The following CXCL13 variants were observed in gnomAD, a reference collection of about 807,000 sequenced individuals.
The protein encoded by CXCL13 is C-X-C motif chemokine 13.
A neutral mutation model predicts 12.2 loss-of-function variants in CXCL13; 7 were observed. The observed-to-expected ratio is 0.57, with a 90% CI of 0.33 to 1.07. The LOEUF is 1.07. CXCL13 is among the 50% of genes least tolerant of loss of function. CXCL13 has a pLI of 0.04. For synonymous variants in CXCL13, 47 were observed against 42.4 expected (o/e 1.11, Z -0.42); for missense variants, 113 against 127.4 (o/e 0.89, Z 0.55).
intron 1 of CXCL13, among the ~76,000 whole-genome samples, chr4:77,577,878 C>T (rs1726232571): frequency 6.6e-6 from 1 of 152,178 alleles, no homozygotes; most frequent in South Asian, 2.1e-4. Context: ...TCGGATGCAT[C>T]CTGAACCCCT....
intron 1 of CXCL13, among the ~76,000 whole-genome samples, chr4:77,560,693 T>C (rs999100240): frequency 6.6e-6 from 1 of 152,214 alleles, no homozygotes; most frequent in Non-Finnish European, 1.5e-5. Context: ...AGTATCTTCA[T>C]ATATGTTTCT....
At chr4:77,568,642 G>C (rs1053833761) in intron 1 of CXCL13, among the ~76,000 whole-genome samples, 4 of 152,154 alleles carry the variant, frequency 2.6e-5, no homozygotes, top group African/African-American at 9.7e-5. Context: ...GGTGTTTGCT[G>C]TTGGCCACCC....
chr4:77,596,219 T>C (rs1578070984), intron 1 of CXCL13, among the ~76,000 whole-genome samples: 1 of 152,290 alleles, frequency 6.6e-6, no homozygotes, highest in South Asian at 2.1e-4. Context: ...TTAAGATGAT[T>C]TTCTAAGTAA....
Position 77,549,295 on chromosome 4 carries a change from C to G in CXCL13, c.-43+37507C>G, listed in dbSNP as rs891683770. ...AATGAGTTAGAATATGTTCCTTTAG[C>G]TCGGAGAAGTTTATTACCAATCTTC... On this transcript the variant is annotated intron_variant, in intron 1 of 4. Coordinates refer to the CXCL13 transcript ENST00000286758. Among the ~76,000 whole-genome samples, 4 of 152,206 alleles carry G rather than the reference C, an allele frequency of 2.6e-5. No homozygotes were observed. In the East Asian group the frequency reaches 7.7e-4, roughly 29 times the overall value.
At chr4:77,564,824 T>A (rs1725885992) in intron 1 of CXCL13, among the ~76,000 whole-genome samples, 1 of 152,036 alleles carries the variant, frequency 6.6e-6, no homozygotes, top group South Asian at 2.1e-4. Flanking sequence ...AGGACCCCAG[T>A]GGAGAAGTGA....
chr4:77,573,405 TG>T (rs1726138035), intron 1 of CXCL13, among the ~76,000 whole-genome samples: 2 of 147,748 alleles, frequency 1.4e-5, no homozygotes, highest in East Asian at 3.9e-4. Flanking sequence ...TGTGTGTGTG[TG>T]TGTGTATGTC....
chr4:77,542,119 T>G (rs1725218757), intron 1 of CXCL13, among the ~76,000 whole-genome samples: 1 of 152,144 alleles, frequency 6.6e-6, no homozygotes, highest in African/African-American at 2.4e-5. Context: ...AAGGAGTCTT[T>G]AGGATTTTCT....
intron 1 of CXCL13, among the ~76,000 whole-genome samples, chr4:77,542,860 A>T (rs1725239717): frequency 6.6e-6 from 1 of 152,140 alleles, no homozygotes; most frequent in African/African-American, 2.4e-5. Context: ...TTTTGGTATC[A>T]GGGTGATGCT....
chr4:77,550,326 T>G lies in CXCL13; in HGVS notation c.-43+38538T>G, dbSNP rs115359773. 7.2e-3 allele frequency among the ~76,000 whole-genome samples: 1,097 copies of G among 152,222 alleles called. 21 individuals are homozygous for G. Among genetic ancestry groups the G allele is most frequent in the East Asian group, 0.027 (141 of 5,160 alleles). ...TGAGATGATGCCCCACCCTGCTTCA[T>G]CTTACACTCAGTGGGCTGCTCCCAC... On this transcript the variant is annotated intron_variant, in intron 1 of 4. Transcript: ENST00000286758.
chr4:77,571,559 GA>G (rs1310962747), intron 1 of CXCL13, among the ~76,000 whole-genome samples: 7 of 151,786 alleles, frequency 4.6e-5, no homozygotes, highest in Non-Finnish European at 1.0e-4. Flanking sequence ...CCTGTGTGTC[GA>G]AACTGTGTAT....
intron 2 of CXCL13, among the ~76,000 whole-genome samples, chr4:77,609,072 C>T (rs1338644201): frequency 6.6e-6 from 1 of 152,208 alleles, no homozygotes; most frequent in African/African-American, 2.4e-5. Flanking sequence ...TCATGCCAGT[C>T]ACAGGTGAAA....
intron 1 of CXCL13, among the ~76,000 whole-genome samples, chr4:77,542,156 G>C (rs1725219345): frequency 6.6e-6 from 1 of 152,050 alleles, no homozygotes; most frequent in African/African-American, 2.4e-5. Flanking sequence ...CATCAGAGAA[G>C]ACAGATAGTT....
rs191403645 is a variant in CXCL13, at chr4:77,581,902, G to A, written c.-42-23922G>A. On this transcript the variant is annotated intron_variant, in intron 1 of 4. Coordinates refer to the CXCL13 transcript ENST00000286758. ...ACTGGCATTTCTTTGCCTCCTACTC[G>A]TTGAACTGGTTGCAATTTTGGTTTC... Among the ~76,000 whole-genome samples the A allele has an allele frequency of 4.6e-3, 706 of 152,042 alleles. 3 individuals carry two copies. The highest frequency in any genetic ancestry group is 7.3e-3 in the Non-Finnish European group (497 of 67,998).
intron 1 of CXCL13, among the ~76,000 whole-genome samples, chr4:77,567,071 C>A (rs533956399): frequency 6.6e-6 from 1 of 152,182 alleles, no homozygotes; most frequent in South Asian, 2.1e-4. Context: ...GACTTTGTGA[C>A]AATACACCCT....
At chr4:77,544,434 C>A (rs549138310) in intron 1 of CXCL13, among the ~76,000 whole-genome samples, 1 of 152,276 alleles carries the variant, frequency 6.6e-6, no homozygotes, top group South Asian at 2.1e-4. Flanking sequence ...TTAATGATCA[C>A]TATTCTAACT....
At chr4:77,545,366 T>C (rs959340396) in intron 1 of CXCL13, among the ~76,000 whole-genome samples, 2 of 152,222 alleles carry the variant, frequency 1.3e-5, no homozygotes, top group Non-Finnish European at 2.9e-5. Context: ...ATATTGATTC[T>C]TCCTACCCAT....
chr4:77,593,104 C>T (rs1726655708), intron 1 of CXCL13, among the ~76,000 whole-genome samples: 1 of 152,112 alleles, frequency 6.6e-6, no homozygotes, highest in Admixed American at 6.5e-5. Context: ...TTTCAGTGGT[C>T]TCAGGCAATT....
chr4:77,533,790 G>C (rs1724989113), intron 1 of CXCL13, among the ~76,000 whole-genome samples: 1 of 152,148 alleles, frequency 6.6e-6, no homozygotes, highest in Admixed American at 6.5e-5. Context: ...AGACTGCTGT[G>C]CTAGCCATGA....
chr4:77,542,971 G>A (rs1316320684), intron 1 of CXCL13, among the ~76,000 whole-genome samples: 1 of 151,984 alleles, frequency 6.6e-6, no homozygotes, highest in Non-Finnish European at 1.5e-5. Context: ...GGTAGAATTT[G>A]GCCATGGACC....
Sources: allele counts gnomAD v4.1 joint callset (sites outside exome capture counted in the v4.1 genomes callset), GRCh38; gene constraint gnomAD v4.1.1; transcripts MANE v1.5; gene names NCBI Gene and HGNC (gene_info 2026-07-23, HGNC 2026-07-21).